The following USP34 variants were observed in gnomAD, a reference collection of about 807,000 sequenced individuals.
USP34 encodes the protein ubiquitin carboxyl-terminal hydrolase 34.
USP34 carries 70 observed loss-of-function variants against 460.3 expected under a neutral mutation model. That is an observed-to-expected ratio of 0.15 (90% CI 0.13 to 0.19). The LOEUF (loss-of-function observed/expected upper bound fraction) is 0.19, where lower values mean the gene tolerates loss of function less well. Among genes scored for constraint, USP34 ranks in the 10% least tolerant of loss-of-function variants. The pLI is 1.00. For missense variants in USP34, 3,985 were observed against 4,236.2 expected (o/e 0.94, Z 1.65); for synonymous variants, 1,647 against 1,405.3 (o/e 1.17, Z -3.85).
intron 10 of USP34, among the ~76,000 whole-genome samples, chr2:61,368,939 A>G (rs113577100): frequency 1.5e-3 from 235 of 152,334 alleles, no homozygotes; most frequent in Non-Finnish European, 2.8e-3. Flanking sequence ...AATCACAAAC[A>G]AAAGATCAAC....
At chr2:61,454,222 T>C (rs193275436) in intron 1 of USP34, among the ~76,000 whole-genome samples, 42 of 152,158 alleles carry the variant, frequency 2.8e-4, no homozygotes, top group African/African-American at 1.0e-3. Flanking sequence ...CCTCCCAGGT[T>C]CAAGTGATTC....
intron 1 of USP34, among the ~76,000 whole-genome samples, chr2:61,458,160 A>C (rs903566047): frequency 6.6e-6 from 1 of 152,206 alleles, no homozygotes; most frequent in African/African-American, 2.4e-5. Context: ...CATAATTCTA[A>C]ATTGTGGTAA....
At chr2:61,419,238 C>G (rs1364202866) in intron 2 of USP34, among the ~76,000 whole-genome samples, 1 of 151,846 alleles carries the variant, frequency 6.6e-6, no homozygotes, top group Non-Finnish European at 1.5e-5. Flanking sequence ...CCAGGCTGGT[C>G]TCGAACTCCT....
intron 10 of USP34, among the ~76,000 whole-genome samples, chr2:61,368,619 G>C (rs1388233244): frequency 6.6e-6 from 1 of 152,064 alleles, no homozygotes; most frequent in Non-Finnish European, 1.5e-5. Context: ...AGAAAGAAGA[G>C]TTAGTAAACA....
chr2:61,393,853 C>T (rs1288660053), intron 5 of USP34, among the ~76,000 whole-genome samples: 1 of 152,030 alleles, frequency 6.6e-6, no homozygotes, highest in Non-Finnish European at 1.5e-5. Flanking sequence ...ATCTTTCTTT[C>T]CGGGCCGGGC....
In USP34 at chr2:61,419,047, A is replaced by C. The variant is rs367784147; in HGVS notation, c.131+1699T>G. Among the ~76,000 whole-genome samples, 13 of 152,350 alleles carry C rather than the reference A, an allele frequency of 8.5e-5. No individual in the cohort carries two copies. In the East Asian group the frequency reaches 2.1e-3, roughly 25 times the overall value. On this transcript the variant is annotated intron_variant, in intron 2 of 79. Transcript: ENST00000398571. ...CACTTTGTTTTCTTACAATCTCATT[A>C]AGACAGTAGTAGCTTTATTATTATT...
intron 3 of USP34, among the ~76,000 whole-genome samples, chr2:61,399,023 G>C (rs1005211392): frequency 7.9e-5 from 12 of 152,200 alleles, no homozygotes; most frequent in African/African-American, 2.7e-4. Context: ...TAGAATCTTA[G>C]AGCCACGATT....
intron 8 of USP34, among the ~76,000 whole-genome samples, chr2:61,371,951 G>T (rs1692641478): frequency 6.6e-6 from 1 of 152,078 alleles, no homozygotes; most frequent in Non-Finnish European, 1.5e-5. Context: ...GCAGCAACAG[G>T]TTATACCACC....
chr2:61,374,355 AT>A (rs1163516198), intron 8 of USP34, among the ~76,000 whole-genome samples: 1 of 151,526 alleles, frequency 6.6e-6, no homozygotes, highest in Non-Finnish European at 1.5e-5. Flanking sequence ...GAAGAAAAAT[AT>A]TTTTTCTTCT....
At chr2:61,318,524 C>T (rs529742022) in intron 22 of USP34, among the ~76,000 whole-genome samples, 6 of 152,124 alleles carry the variant, frequency 3.9e-5, no homozygotes, top group Non-Finnish European at 7.3e-5. Context: ...ATGGAGATAA[C>T]GTCACACTTT....
chr2:61,421,065 T>C (rs1694340398), intron 1 of USP34, among the ~76,000 whole-genome samples: 1 of 152,182 alleles, frequency 6.6e-6, no homozygotes, highest in Non-Finnish European at 1.5e-5. Flanking sequence ...ATTCTGGGAT[T>C]ATCTCTCATC....
At chr2:61,311,247 C>T (rs1055683933) in intron 27 of USP34, among the ~76,000 whole-genome samples, 3 of 152,186 alleles carry the variant, frequency 2.0e-5, no homozygotes, top group Middle Eastern at 3.4e-3. Context: ...TCATTTTTTA[C>T]CCTTCCACCC....
Position 61,311,848 on chromosome 2 carries a change from G to A in USP34, c.3605C>T (p.Ala1202Val). 1 of 1,613,994 alleles carries A rather than the reference G, an allele frequency of 6.2e-7. No homozygotes were observed. The highest frequency in any genetic ancestry group is 1.1e-5 in the South Asian group (1 of 91,060). Residue 1202 changes from alanine (A) to valine (V), a missense_variant, in exon 26 of 80, where the codon GCA becomes GTA. Coordinates refer to ENST00000398571, the MANE Select transcript of USP34 (RefSeq NM_014709.4). The part of the protein sequence containing the change: ...EGTGISSHLK[A>V]LSDKQSLPLR... ...CGGCAGAGACTGTTTGTCACTCAGTGCTTTCAAATGACTACTAATACCAGT... is the reference window on the plus strand; with the variant it reads ...CGGCAGAGACTGTTTGTCACTCAGTACTTTCAAATGACTACTAATACCAGT...
chr2:61,439,034 C>A (rs1304959710), intron 1 of USP34, among the ~76,000 whole-genome samples: 1 of 152,114 alleles, frequency 6.6e-6, no homozygotes, highest in Non-Finnish European at 1.5e-5. Flanking sequence ...CAATACACTA[C>A]CTGAAAAGAA....
intron 50 of USP34, 35 bp downstream of exon 50, chr2:61,246,289 A>G: frequency 1.4e-6 from 2 of 1,460,186 alleles, no homozygotes; most frequent in Non-Finnish European, 9.2e-7. Flanking sequence ...ACTACCATAA[A>G]TTGTTAAAGA....
chr2:61,309,534 C>T (rs1374365424), intron 27 of USP34, among the ~76,000 whole-genome samples: 1 of 152,186 alleles, frequency 6.6e-6, no homozygotes, highest in Non-Finnish European at 1.5e-5. Flanking sequence ...GTACTATCTT[C>T]TCTATGTTAC....
Position 61,325,388 on chromosome 2 carries a change from T to C in USP34, c.3000A>G (p.Ser1000=). 2 of 1,558,148 alleles carry C rather than the reference T, an allele frequency of 1.3e-6. No individual in the cohort carries two copies. Among genetic ancestry groups the C allele is most frequent in the Non-Finnish European group, 8.6e-7 (1 of 1,159,892 alleles). Residue 1000 remains serine (S), a synonymous_variant, in exon 21 of 80, where the codon TCA becomes TCG. Coordinates refer to ENST00000398571, the MANE Select transcript of USP34 (RefSeq NM_014709.4). ...TAAAAAACTTACTGAAATGATCAGG[T>C]GATCCCAGAGTTGAAAATACACAAG... The part of the protein sequence containing the change: ...FLTCVFSTLG[S]PDHFRLSLEQ...
intron 53 of USP34, 127 bp from the exon 54 acceptor site, chr2:61,236,516 T>C: frequency 3.0e-6 from 2 of 676,770 alleles, no homozygotes; most frequent in Non-Finnish European, 4.8e-6. Flanking sequence ...GCACTTTAAG[T>C]TCATTTTGAT....
Position 61,278,283 on chromosome 2 carries a change from C to A in USP34, c.5315G>T (p.Arg1772Met). The change falls in exon 41 of 80, where the codon AGG becomes ATG. Residue 1772 changes from arginine to methionine, a missense_variant and splice_region_variant. This residue lies in a region of USP34 where 1,114 missense variants were observed against 1,122.5 expected (regional missense o/e 0.99). Coordinates refer to ENST00000398571, the MANE Select transcript of USP34 (RefSeq NM_014709.4). Reference sequence around the variant, plus strand: ...ACCATCCTGATGATCAAGGATCTCCCTACTACAAAAAAGAAAAAAAATACA... The same window carrying A: ...ACCATCCTGATGATCAAGGATCTCCATACTACAAAAAAGAAAAAAAATACA... ...ARHLADCIRS[R>M]EILDHQDGNV... 6.2e-7 allele frequency: 1 copy of A among 1,612,928 alleles called. No homozygotes were observed. The highest frequency in any genetic ancestry group is 8.5e-7 in the Non-Finnish European group (1 of 1,179,592).
Sources: gnomAD v4.1 joint callset for allele counts (sites outside exome capture counted in the v4.1 genomes callset) on GRCh38, gnomAD v4.1.1 for gene constraint, gnomAD v4.1.1 regional missense constraint, MANE v1.5 for transcripts, NCBI Gene and HGNC (gene_info 2026-07-23, HGNC 2026-07-21) for gene names.